The following PTPRK variants were observed in gnomAD, a reference collection of about 807,000 sequenced individuals.
The protein encoded by PTPRK is receptor-type tyrosine-protein phosphatase kappa.
A neutral mutation model predicts 178.0 loss-of-function variants in PTPRK; 75 were observed. The observed-to-expected ratio is 0.42, with a 90% confidence interval of 0.35 to 0.51. PTPRK has a LOEUF of 0.51. PTPRK is among the 20% of genes least tolerant of loss of function. The pLI, the probability that PTPRK is intolerant of heterozygous loss-of-function variation, is 0.02. For synonymous variants in PTPRK, 637 were observed against 620.6 expected (o/e 1.03, Z -0.39); for missense variants, 1,441 against 1,797.8 (o/e 0.80, Z 3.59).
In PTPRK at chr6:128,014,600, G is replaced by A. The variant is rs189375250; in HGVS notation, c.2195-5332C>T. Among the ~76,000 whole-genome samples the A allele has an allele frequency of 4.6e-5, 7 of 151,734 alleles. No individual in the cohort carries two copies. In the East Asian group the frequency reaches 9.7e-4, roughly 21 times the overall value. ...TGCTCTAGGTAGAGATAATCTAGAT[G>A]TCAGTTCTTTGGGTCCATTACATAG... is the stretch of plus-strand genomic sequence containing the variant. On this transcript the variant is annotated intron_variant, in intron 13 of 29. Coordinates refer to ENST00000368226, the MANE Select transcript of PTPRK (RefSeq NM_002844.4).
intron 7 of PTPRK, among the ~76,000 whole-genome samples, chr6:128,120,199 C>A (rs550636030): frequency 4.6e-5 from 7 of 151,798 alleles, no homozygotes; most frequent in Admixed American, 4.6e-4. Context: ...CTAGTTTTTC[C>A]TATGCAAATC....
chr6:128,278,996 G>A (rs558856069), intron 3 of PTPRK, among the ~76,000 whole-genome samples: 1 of 151,964 alleles, frequency 6.6e-6, no homozygotes, highest in Non-Finnish European at 1.5e-5. Context: ...AGAGGCCAGG[G>A]ATGGGGGTAG....
At chr6:127,999,677 A>T (rs1263844723) in intron 15 of PTPRK, among the ~76,000 whole-genome samples, 1 of 151,782 alleles carries the variant, frequency 6.6e-6, no homozygotes, top group Non-Finnish European at 1.5e-5. Flanking sequence ...TGTTCCCATG[A>T]CCTCTTATTC....
intron 6 of PTPRK, among the ~76,000 whole-genome samples, chr6:128,208,317 T>C (rs1427353203): frequency 6.9e-6 from 1 of 144,610 alleles, no homozygotes; most frequent in Non-Finnish European, 1.5e-5. Flanking sequence ...AAAAAAAAAA[T>C]TCCCTCTCCC....
At chr6:128,470,613 C>CT (rs969633536) in intron 1 of PTPRK, among the ~76,000 whole-genome samples, 3 of 151,776 alleles carry the variant, frequency 2.0e-5, no homozygotes, top group Admixed American at 1.3e-4. Flanking sequence ...TTGCCTGCAG[C>CT]TTTTTTCTAT....
At chr6:127,992,087 C>T (rs1776673911) in intron 19 of PTPRK, among the ~76,000 whole-genome samples, 1 of 151,724 alleles carries the variant, frequency 6.6e-6, no homozygotes, top group African/African-American at 2.4e-5. Context: ...GGCCAGTAGT[C>T]AATTTAGAGA....
At chr6:128,198,795 T>G (rs1410074336) in intron 6 of PTPRK, among the ~76,000 whole-genome samples, 1 of 152,162 alleles carries the variant, frequency 6.6e-6, no homozygotes, top group Non-Finnish European at 1.5e-5. Flanking sequence ...GGTAAGAGAT[T>G]TACCTATATT....
intron 1 of PTPRK, among the ~76,000 whole-genome samples, chr6:128,504,656 A>T (rs1035161087): frequency 1.3e-5 from 2 of 151,106 alleles, no homozygotes; most frequent in Non-Finnish European, 2.9e-5. Flanking sequence ...GGAGTAAGCA[A>T]TCAGAGCACC....
intron 15 of PTPRK, among the ~76,000 whole-genome samples, chr6:128,000,726 C>G (rs1387004190): frequency 6.6e-6 from 1 of 152,146 alleles, no homozygotes; most frequent in South Asian, 2.1e-4. Context: ...GGCACTGCCA[C>G]AGAATATACA....
chr6:128,103,838 T>C (rs1422778788), intron 7 of PTPRK, among the ~76,000 whole-genome samples: 1 of 152,144 alleles, frequency 6.6e-6, no homozygotes, highest in African/African-American at 2.4e-5. Context: ...TCCCACAGTT[T>C]GTTACAGGGA....
At chr6:128,093,936 A>C (rs944335796) in intron 7 of PTPRK, among the ~76,000 whole-genome samples, 5 of 152,208 alleles carry the variant, frequency 3.3e-5, no homozygotes. Flanking sequence ...ATGCTATAGG[A>C]ATTCAAGAGG....
At chr6:128,493,046 T>C (rs1459063424) in intron 1 of PTPRK, among the ~76,000 whole-genome samples, 10 of 152,192 alleles carry the variant, frequency 6.6e-5, no homozygotes. Flanking sequence ...TATGTGTTTT[T>C]ATTGCTCTCT....
At chr6:127,989,969 A>T (rs1036458504) in intron 21 of PTPRK, among the ~76,000 whole-genome samples, 5 of 152,280 alleles carry the variant, frequency 3.3e-5, no homozygotes, top group African/African-American at 1.2e-4. Context: ...GCTTTACCAC[A>T]AAATGTATTT....
chr6:128,034,033 C>T (rs906016230), intron 13 of PTPRK, among the ~76,000 whole-genome samples: 1 of 152,184 alleles, frequency 6.6e-6, no homozygotes, highest in African/African-American at 2.4e-5. Context: ...AGATATACTT[C>T]GGTACACTTA....
chr6:128,252,834 T>C (rs1047694263), intron 3 of PTPRK, among the ~76,000 whole-genome samples: 1 of 152,224 alleles, frequency 6.6e-6, no homozygotes, highest in African/African-American at 2.4e-5. Flanking sequence ...TTCTCATAAA[T>C]GTTAGCCCCT....
chr6:128,366,883 A>G (rs939856886), intron 2 of PTPRK, among the ~76,000 whole-genome samples: 1 of 152,136 alleles, frequency 6.6e-6, no homozygotes, highest in Non-Finnish European at 1.5e-5. Flanking sequence ...TATTCCCTTC[A>G]TCATGTTACT....
chr6:128,007,470 C>T (rs991293871), intron 14 of PTPRK, among the ~76,000 whole-genome samples: 7 of 150,752 alleles, frequency 4.6e-5, no homozygotes, highest in Non-Finnish European at 8.9e-5. Context: ...ATTAACTTAA[C>T]CATTTAATAT....
At chr6:128,368,367 A>G (rs917816101) in intron 2 of PTPRK, among the ~76,000 whole-genome samples, 1 of 151,746 alleles carries the variant, frequency 6.6e-6, no homozygotes, top group African/African-American at 2.4e-5. Context: ...ATGTATTAAC[A>G]ATAAACTGTT....
In PTPRK at chr6:128,248,751, A is replaced by G. The variant is rs1815933375; in HGVS notation, c.496-6149T>C. ...GAGACACCAAGGTTAAGAATGCTTT[A>G]TAGGAAGTTTGTCTGAATGGATAAA... is the stretch of plus-strand genomic sequence containing the variant. On this transcript the variant is annotated intron_variant, in intron 3 of 29. Transcript: ENST00000368226. Among the ~76,000 whole-genome samples the G allele has an allele frequency of 2.6e-5, 4 of 152,328 alleles. No homozygotes were observed. In the South Asian group the frequency reaches 6.2e-4, roughly 24 times the overall value.
Sources: allele counts gnomAD v4.1 joint callset (sites outside exome capture counted in the v4.1 genomes callset), GRCh38; gene constraint gnomAD v4.1.1; transcripts MANE v1.5; gene names NCBI Gene and HGNC (gene_info 2026-07-23, HGNC 2026-07-21).